Variants in NTNG2 observed in about 807,000 individuals in gnomAD.
The protein encoded by NTNG2 is netrin G2.
In NTNG2, 15 loss-of-function variants were observed where a neutral mutation model predicts 47.6. The ratio of observed to expected loss-of-function variants is 0.32; its 90% CI spans 0.21 to 0.49. NTNG2 has a LOEUF of 0.49. Among genes scored for constraint, NTNG2 ranks in the 20% least tolerant of loss-of-function variants. NTNG2 has a pLI of 0.99. For synonymous variants in NTNG2, 307 were observed against 324.6 expected, an observed-to-expected ratio of 0.95 and a Z score of 0.58; for missense variants, 578 against 764.6, an observed-to-expected ratio of 0.76 and a Z score of 2.88.
intron 3 of NTNG2, among the ~76,000 whole-genome samples, chr9:132,222,273 A>G (rs901338231): frequency 2.0e-5 from 3 of 152,200 alleles, no homozygotes; most frequent in African/African-American, 7.2e-5. Flanking sequence ...TTCTGTGCCA[A>G]GGACCATCTC....
chr9:132,196,146 G>C (rs1838295814), intron 2 of NTNG2, among the ~76,000 whole-genome samples: 1 of 152,146 alleles, frequency 6.6e-6, no homozygotes, highest in Non-Finnish European at 1.5e-5. Flanking sequence ...TTACTGTGTT[G>C]TACAGGTCTA....
intron 7 of NTNG2, chr9:132,241,643 G>A (rs1589576015): frequency 3.8e-6 from 2 of 525,628 alleles, no homozygotes; most frequent in Non-Finnish European, 6.7e-6. Context: ...ACAGCACCGA[G>A]GCCAGTGGGG....
rs184749373 is a variant in NTNG2, at chr9:132,215,916, G to A, written c.858-10933G>A. Among the ~76,000 whole-genome samples the A allele has an allele frequency of 5.9e-5, 9 of 152,236 alleles. No homozygotes were observed. Among genetic ancestry groups the A allele is most frequent in the South Asian group, 2.1e-4 (1 of 4,830 alleles). On this transcript the variant is annotated intron_variant, in intron 3 of 7. Transcript: ENST00000393229. This position sits in a 1 kb window ranked among gnomAD's most constrained non-coding sequence, Gnocchi z 4.2. ...AACAATAATAATAGCTGACGTTTCC[G>A]GAGGGCATGCTCTGTGCCAGACCCA...
rs1379374689 is a variant in NTNG2, at chr9:132,226,775, G to A, written c.858-74G>A. 28 of 1,363,130 alleles carry A rather than the reference G, an allele frequency of 2.1e-5. No homozygotes were observed. The Admixed American group carries it at 4.6e-4, about 22-fold the overall frequency. The allele number at this position is 1,363,130 out of a possible 1,614,324, so 84.4% of individuals were successfully genotyped here. On this transcript the variant is annotated intron_variant, in intron 3 of 7. Coordinates refer to ENST00000393229, the MANE Select transcript of NTNG2 (RefSeq NM_032536.4). This position sits in a 1 kb window ranked among gnomAD's most constrained non-coding sequence, Gnocchi z 4.8. ...CCCTCCTGGGCCCCTCCTGGGAGGC[G>A]CTCCTTTCCCCAGAGGCCAGGCCAG...
intron 2 of NTNG2, among the ~76,000 whole-genome samples, chr9:132,187,568 CAAGAGAGA>C (rs1331884122): frequency 2.7e-5 from 2 of 73,160 alleles, no homozygotes; most frequent in Admixed American, 2.8e-4. Context: ...CGAGAGGGAG[CAAGAGAGA>C]GAGAGAGAGA....
In NTNG2 at chr9:132,236,438, C is replaced by T. The variant is rs1466454111; in HGVS notation, c.1055-2666C>T. ...GAAGGGAAATTGTCCCTGGCCCCAG[C>T]TCACCAAGCCTGGGTGGGGAATTAG... On this transcript the variant is annotated intron_variant, in intron 5 of 7. Coordinates refer to ENST00000393229, the MANE Select transcript of NTNG2 (RefSeq NM_032536.4). This position sits in a 1 kb window ranked among gnomAD's most constrained non-coding sequence, Gnocchi z 4.3. Among the ~76,000 whole-genome samples, 1 of 152,222 alleles carries T rather than the reference C, an allele frequency of 6.6e-6. No homozygotes were observed. Among genetic ancestry groups the T allele is most frequent in the Non-Finnish European group, 1.5e-5 (1 of 68,032 alleles).
At chr9:132,185,649 G>A (rs147561017) in intron 2 of NTNG2, among the ~76,000 whole-genome samples, 9 of 151,890 alleles carry the variant, frequency 5.9e-5, no homozygotes, top group South Asian at 4.2e-4. Context: ...TCCCCCGCCC[G>A]CCCCCTTATC....
intron 3 of NTNG2, among the ~76,000 whole-genome samples, chr9:132,223,130 C>G (rs1199030397): frequency 6.6e-6 from 1 of 151,946 alleles, no homozygotes; most frequent in African/African-American, 2.4e-5. Flanking sequence ...CAAAAAGACT[C>G]CATTGCCTGG....
intron 3 of NTNG2, among the ~76,000 whole-genome samples, chr9:132,204,696 T>C (rs972234396): frequency 1.3e-5 from 2 of 152,164 alleles, no homozygotes; most frequent in Non-Finnish European, 2.9e-5. Context: ...CCGAGTCCTT[T>C]ATGTGCATTT....
At chr9:132,228,401 GT>G (rs1840950641) in intron 4 of NTNG2, among the ~76,000 whole-genome samples, 1 of 152,146 alleles carries the variant, frequency 6.6e-6, no homozygotes, top group African/African-American at 2.4e-5. Flanking sequence ...CCAGCTTCCT[GT>G]CCCCATCTCT....
In NTNG2 at chr9:132,215,523, T is replaced by C. The variant is rs1169931189; in HGVS notation, c.858-11326T>C. On this transcript the variant is annotated intron_variant, in intron 3 of 7. Transcript: ENST00000393229. The surrounding 1 kb of genome is among the most constrained non-coding windows in gnomAD (Gnocchi z 4.2). ...TGAACCCAGGAGGTGGAGGTTGAAG[T>C]GAGCCAAGATCGAACCACTGCACTC... is the stretch of plus-strand genomic sequence containing the variant. Among the ~76,000 whole-genome samples, 4 of 152,102 alleles carry C rather than the reference T, an allele frequency of 2.6e-5. No homozygotes were observed. The highest frequency in any genetic ancestry group is 9.7e-5 in the African/African-American group (4 of 41,420).
At chr9:132,214,575 T>A (rs1262182608) in intron 3 of NTNG2, among the ~76,000 whole-genome samples, 1 of 152,152 alleles carries the variant, frequency 6.6e-6, no homozygotes, top group Non-Finnish European at 1.5e-5. Flanking sequence ...GAAACTTAGC[T>A]GAAAAGGTGG....
Position 132,241,015 on chromosome 9 carries a change from C to T in NTNG2, c.1328C>T (p.Pro443Leu). ...AAGPKCDDCL[P>L]THYWRQGCYP... ...GGCCCCAAGTGCGACGACTGCCTCC[C>T]CACGCACTACTGGCGCCAGGGCTGC... is the stretch of plus-strand genomic sequence containing the variant. The change falls in exon 7 of 8, where the codon CCC (proline) becomes CTC (leucine). Residue 443 changes from proline (P) to leucine (L), a missense_variant. Transcript: ENST00000393229. 6.2e-7 allele frequency: 1 copy of T among 1,607,696 alleles called. No individual in the cohort carries two copies. Among genetic ancestry groups the T allele is most frequent in the Non-Finnish European group, 8.5e-7 (1 of 1,179,030 alleles).
chr9:132,185,225 C>T (rs1340708587), intron 2 of NTNG2, among the ~76,000 whole-genome samples: 2 of 152,226 alleles, frequency 1.3e-5, no homozygotes, highest in African/African-American at 4.8e-5. Context: ...CTTCCCCCGA[C>T]CCCCTTCCCC....
rs1376708238 is a variant in NTNG2 at position 132,180,868 on chromosome 9, G to A, written c.213+13824G>A. Among the ~76,000 whole-genome samples, 1 of 152,176 alleles carries A rather than the reference G, an allele frequency of 6.6e-6. No individual in the cohort carries two copies. Among genetic ancestry groups the A allele is most frequent in the East Asian group, 1.9e-4 (1 of 5,180 alleles). ...GTGCTCTTCCTAGAACCACGCATGT[G>A]CACACGTGTGTGCAAACACTGGGCT... On this transcript the variant is annotated intron_variant, in intron 2 of 7. Transcript: ENST00000393229. This position sits in a 1 kb window ranked among gnomAD's most constrained non-coding sequence, Gnocchi z 4.2.
At chr9:132,237,489 TCTC>T (rs931757651) in intron 5 of NTNG2, among the ~76,000 whole-genome samples, 2 of 152,104 alleles carry the variant, frequency 1.3e-5, no homozygotes, top group Non-Finnish European at 2.9e-5. Context: ...CAAGCCCAAA[TCTC>T]CTCAAGTGAT....
rs1430681418 is a variant in NTNG2 at position 132,198,465 on chromosome 9, A to G, written c.713A>G (p.Glu238Gly). ...ATGGACAACCTCTACACGCGGCTGG[A>G]GAGCGCCAAGGGCCTCAAGGAGTTC... ...RNMDNLYTRLESAKGLKEFFT... is the reference protein window; with the variant it reads ...RNMDNLYTRLGSAKGLKEFFT... The change falls in exon 3 of 8, where the codon GAG becomes GGG. Residue 238 changes from glutamate (E) to glycine (G), a missense_variant. Physicochemically the swap from Glu to Gly is moderately conservative, Grantham distance 98 (BLOSUM62 -2). Transcript: ENST00000393229. 6.2e-7 allele frequency: 1 copy of G among 1,610,450 alleles called. No homozygotes were observed. Among genetic ancestry groups the G allele is most frequent in the Non-Finnish European group, 8.5e-7 (1 of 1,177,950 alleles).
rs769123740 is a variant in NTNG2 at position 132,198,495 on chromosome 9, C to T, written c.743C>T (p.Thr248Ile). Reference protein sequence around the residue: ...ESAKGLKEFFTLTDLRMRLLR... With the variant: ...ESAKGLKEFFILTDLRMRLLR... ...GCCAAGGGCCTCAAGGAGTTCTTCACCCTCACCGACCTGCGCATGCGGCTG... is the reference window on the plus strand; with the variant it reads ...GCCAAGGGCCTCAAGGAGTTCTTCATCCTCACCGACCTGCGCATGCGGCTG... The change falls in exon 3 of 8, where the codon ACC (threonine) becomes ATC (isoleucine). Residue 248 changes from threonine (T) to isoleucine (I), a missense_variant. Transcript: ENST00000393229. 3 of 1,610,154 alleles carry T rather than the reference C, an allele frequency of 1.9e-6. No homozygotes were observed. The highest frequency in any genetic ancestry group is 1.1e-5 in the South Asian group (1 of 90,880).
At chr9:132,185,077 G>A (rs1262167204) in intron 2 of NTNG2, among the ~76,000 whole-genome samples, 2 of 152,160 alleles carry the variant, frequency 1.3e-5, no homozygotes, top group Non-Finnish European at 2.9e-5. Flanking sequence ...GAATGGGCTG[G>A]GGGTGGGGAG....
Sources: allele counts gnomAD v4.1 joint callset (sites outside exome capture counted in the v4.1 genomes callset), GRCh38; gene constraint gnomAD v4.1.1; non-coding constraint Gnocchi (gnomAD v3.1); transcripts MANE v1.5; gene names NCBI Gene and HGNC (gene_info 2026-07-23, HGNC 2026-07-21).